The following NFIX variants were observed in gnomAD, a reference collection of about 807,000 sequenced individuals.
NFIX encodes the protein nuclear factor 1 X-type.
NFIX carries 2 observed loss-of-function variants against 53.3 expected under a neutral mutation model. The ratio of observed to expected loss-of-function variants is 0.04; its 90% confidence interval spans 0.02 to 0.12. The LOEUF (loss-of-function observed/expected upper bound fraction) is 0.12. Among genes scored for constraint, NFIX ranks in the 10% least tolerant of loss-of-function variants. NFIX has a pLI of 1.00. For synonymous variants in NFIX, 244 were observed against 289.0 expected (o/e 0.84, Z 1.58); for missense variants, 310 against 674.5 (o/e 0.46, Z 5.99).
chr19:13,031,047 G>A (rs1053153689), intron 2 of NFIX, among the ~76,000 whole-genome samples: 4 of 152,188 alleles, frequency 2.6e-5, no homozygotes, highest in South Asian at 2.1e-4. Context: ...GCCTCAGAGC[G>A]GGGCATGACC....
rs1383522325 is a variant in NFIX, at chr19:13,021,497, G to A, written c.28-3524G>A. The stretch of plus-strand genomic sequence containing the variant: ...CAACATAAAGGCCACAAAGCACAGG[G>A]TTTCAGTTGGGGAAGAAAGGGGCAC... On this transcript the variant is annotated intron_variant, in intron 1 of 10. Coordinates refer to ENST00000592199, the MANE Select transcript of NFIX (RefSeq NM_001365902.3). The surrounding 1 kb of genome is among the most constrained non-coding windows in gnomAD (Gnocchi z 4.2). Among the ~76,000 whole-genome samples the A allele has an allele frequency of 1.3e-5, 2 of 152,126 alleles. No homozygotes were observed. The highest frequency in any genetic ancestry group is 2.9e-5 in the Non-Finnish European group (2 of 68,024).
rs2012021463 is a variant in NFIX, at chr19:13,006,489, G to C, written c.27+10625G>C. 6.6e-6 allele frequency among the ~76,000 whole-genome samples: 1 copy of C among 152,240 alleles called. No homozygotes were observed. The highest frequency in any genetic ancestry group is 6.5e-5 in the Admixed American group (1 of 15,294). ...AGGCCTTTCCTTTACAGAAACTGGG[G>C]CTTGATGGGCACTGGGTATTCGCAA... On this transcript the variant is annotated intron_variant, in intron 1 of 10. Transcript: ENST00000592199. The surrounding 1 kb of genome is among the most constrained non-coding windows in gnomAD (Gnocchi z 5.6).
rs759501737 is a variant in NFIX, at chr19:13,088,173, C to A, written c.1402+37C>A. The stretch of plus-strand genomic sequence containing the variant: ...ATGAAACCGAAACCACAACGCCCAG[C>A]GTCCCCGGCCCGTCCAAACAGTCTC... On this transcript the variant is annotated intron_variant, in intron 9 of 10. Transcript: ENST00000592199. The surrounding 1 kb of genome is among the most constrained non-coding windows in gnomAD (Gnocchi z 5.9). 6.5e-7 allele frequency: 1 copy of A among 1,534,760 alleles called. No individual in the cohort carries two copies. Among genetic ancestry groups the A allele is most frequent in the Non-Finnish European group, 8.7e-7 (1 of 1,145,708 alleles).
chr19:13,046,844 C>G (rs2015020286), intron 2 of NFIX, among the ~76,000 whole-genome samples: 1 of 152,178 alleles, frequency 6.6e-6, no homozygotes, highest in Non-Finnish European at 1.5e-5. Flanking sequence ...TGGGATGGCT[C>G]TCTTCCTTCT....
chr19:13,024,130 A>C (rs1288482677), intron 1 of NFIX: 2 of 827,844 alleles, frequency 2.4e-6, no homozygotes, highest in South Asian at 3.4e-5. Context: ...AAAAAAAAAA[A>C]CCAAACAAAA....
chr19:13,073,009 T>A lies in NFIX; in HGVS notation c.560-38T>A. 1 of 1,605,724 alleles carries A rather than the reference T, an allele frequency of 6.2e-7. No individual in the cohort carries two copies. The highest frequency in any genetic ancestry group is 8.5e-7 in the Non-Finnish European group (1 of 1,172,452). On this transcript the variant is annotated intron_variant, in intron 2 of 10. Transcript: ENST00000592199. The surrounding 1 kb of genome is among the most constrained non-coding windows in gnomAD (Gnocchi z 4.5). Reference sequence around the variant, plus strand: ...CTTGGCTGGTGCTTATGGGGAACTTTGCTCCTGATACATTCTCCCCTTTTG... The same window carrying A: ...CTTGGCTGGTGCTTATGGGGAACTTAGCTCCTGATACATTCTCCCCTTTTG...
rs1031639490 is a variant in NFIX, at chr19:13,066,868, C to T, written c.560-6179C>T. 1.3e-5 allele frequency among the ~76,000 whole-genome samples: 2 copies of T among 152,264 alleles called. No individual in the cohort carries two copies. Among genetic ancestry groups the T allele is most frequent in the South Asian group, 2.1e-4 (1 of 4,832 alleles). On this transcript the variant is annotated intron_variant, in intron 2 of 10. Transcript: ENST00000592199. The surrounding 1 kb of genome is among the most constrained non-coding windows in gnomAD (Gnocchi z 4.2). ...CAGACCCTGGCCAAGCCTCATCCCCCGGCCCTCTGGCTGCCCTGCATTCTC... is the reference window on the plus strand; with the variant it reads ...CAGACCCTGGCCAAGCCTCATCCCCTGGCCCTCTGGCTGCCCTGCATTCTC...
At chr19:13,003,782 G>A (rs1055058515) in intron 1 of NFIX, among the ~76,000 whole-genome samples, 5 of 152,044 alleles carry the variant, frequency 3.3e-5, no homozygotes, top group Admixed American at 2.6e-4. Context: ...GGGAATACAG[G>A]TGCATGCCAC....
chr19:13,074,407 T>C (rs1438371642), intron 5 of NFIX, among the ~76,000 whole-genome samples: 1 of 152,196 alleles, frequency 6.6e-6, no homozygotes, highest in African/African-American at 2.4e-5. Flanking sequence ...CTGCACAGGC[T>C]GGCGGGGCAC....
At chr19:13,075,802 C>A in intron 6 of NFIX, 131 bp downstream of exon 6, 1 of 1,116,104 alleles carries the variant, frequency 9.0e-7, no homozygotes, top group Non-Finnish European at 1.2e-6. Context: ...GTTTTCTTGC[C>A]TCCTGATCTT....
At position 13,037,805 on chromosome 19, in the gene NFIX, A is replaced by G. The variant is rs1244813679; in HGVS notation, c.559+12253A>G. Among the ~76,000 whole-genome samples, 3 of 152,158 alleles carry G rather than the reference A, an allele frequency of 2.0e-5. No individual in the cohort carries two copies. Among genetic ancestry groups the G allele is most frequent in the Non-Finnish European group, 4.4e-5 (3 of 68,024 alleles). The stretch of plus-strand genomic sequence containing the variant: ...GTCTGTGAACACTTTTGGTTGTCAC[A>G]GTTGTGGGGGGAGGGTGCTATTGGA... On this transcript the variant is annotated intron_variant, in intron 2 of 10. Coordinates refer to ENST00000592199, the MANE Select transcript of NFIX (RefSeq NM_001365902.3). The surrounding 1 kb of genome is among the most constrained non-coding windows in gnomAD (Gnocchi z 4.2).
chr19:13,017,316 T>A (rs1426078134), intron 1 of NFIX, among the ~76,000 whole-genome samples: 3 of 152,218 alleles, frequency 2.0e-5, no homozygotes, highest in African/African-American at 7.2e-5. Flanking sequence ...TGGGCAATGA[T>A]CCTGATAATA....
At chr19:13,057,834 G>A (rs533505314) in intron 2 of NFIX, among the ~76,000 whole-genome samples, 10 of 151,768 alleles carry the variant, frequency 6.6e-5, no homozygotes, top group African/African-American at 1.7e-4. Context: ...CTCCCTCCCC[G>A]CAACCGAGGC....
At chr19:13,039,684 C>T (rs769722070) in intron 2 of NFIX, among the ~76,000 whole-genome samples, 1 of 152,184 alleles carries the variant, frequency 6.6e-6, no homozygotes, top group Non-Finnish European at 1.5e-5. Flanking sequence ...GCCCTGGGCT[C>T]AGCTGGGGGC....
At chr19:13,058,447 G>A (rs2015853304) in intron 2 of NFIX, among the ~76,000 whole-genome samples, 1 of 151,784 alleles carries the variant, frequency 6.6e-6, no homozygotes, top group African/African-American at 2.4e-5. Context: ...CCAGGGGTTC[G>A]AGACCAGCCT....
chr19:13,087,298 G>A (rs200219935), intron 8 of NFIX, among the ~76,000 whole-genome samples: 4 of 152,210 alleles, frequency 2.6e-5, no homozygotes, highest in Admixed American at 1.3e-4. Context: ...CATCCATGGC[G>A]TCTGAGGGCG....
rs1401510269 is a variant in NFIX at position 13,067,800 on chromosome 19, T to C, written c.560-5247T>C. Among the ~76,000 whole-genome samples, 1 of 151,912 alleles carries C rather than the reference T, an allele frequency of 6.6e-6. No individual in the cohort carries two copies. Among genetic ancestry groups the C allele is most frequent in the Non-Finnish European group, 1.5e-5 (1 of 68,000 alleles). ...CCTCCCCATCTGTAGGTGGAAAATA[T>C]ATATATATATATTAAAAACATGCAT... On this transcript the variant is annotated intron_variant, in intron 2 of 10. Coordinates refer to ENST00000592199, the MANE Select transcript of NFIX (RefSeq NM_001365902.3). This position sits in a 1 kb window ranked among gnomAD's most constrained non-coding sequence, Gnocchi z 4.2.
chr19:13,077,455 C>T (rs991789634), intron 6 of NFIX, among the ~76,000 whole-genome samples: 6 of 152,170 alleles, frequency 3.9e-5, no homozygotes, highest in East Asian at 3.9e-4. Context: ...AGGCACTGTG[C>T]GGCCATGGGG....
rs992934330 is a variant in NFIX at position 13,093,884 on chromosome 19, C to T, written c.1495-751C>T. 1.3e-5 allele frequency among the ~76,000 whole-genome samples: 2 copies of T among 152,192 alleles called. No homozygotes were observed. The highest frequency in any genetic ancestry group is 2.1e-4 in the South Asian group (1 of 4,836). On this transcript the variant is annotated intron_variant, in intron 10 of 10. Transcript: ENST00000592199. This position sits in a 1 kb window ranked among gnomAD's most constrained non-coding sequence, Gnocchi z 4.7. ...GCCAAGCAGCCCAGACCCTTGGGGT[C>T]TGCCCTGGGTGTGCTCTGAGCTGAG...
Sources: gnomAD v4.1 joint callset for allele counts (sites outside exome capture counted in the v4.1 genomes callset) on GRCh38, gnomAD v4.1.1 for gene constraint, Gnocchi (gnomAD v3.1) non-coding constraint, MANE v1.5 for transcripts, NCBI Gene and HGNC (gene_info 2026-07-23, HGNC 2026-07-21) for gene names.